ARID4A: variants seen among roughly 807,000 people sequenced by gnomAD.
ARID4A encodes the protein AT-rich interactive domain-containing protein 4A.
A neutral mutation model predicts 148.6 loss-of-function variants in ARID4A; 39 were observed. The ratio of observed to expected loss-of-function variants is 0.26; its 90% CI spans 0.20 to 0.34. ARID4A has a LOEUF of 0.34. ARID4A is among the 10% of genes least tolerant of loss of function. The pLI, the probability that ARID4A is intolerant of heterozygous loss-of-function variation, is 1.00. For missense variants in ARID4A, 1,265 were observed against 1,449.1 expected, an observed-to-expected ratio of 0.87 and a Z score of 2.06; for synonymous variants, 475 against 481.2, an observed-to-expected ratio of 0.99 and a Z score of 0.17.
At chr14:58,299,723 G>A (rs2030964947) in intron 1 of ARID4A, 75 bp from the exon 2 acceptor site, 7 of 1,336,980 alleles carry the variant, frequency 5.2e-6, no homozygotes, top group Non-Finnish European at 6.4e-6. Context: ...GCTGGCGTTT[G>A]TTTACTTTCT....
At chr14:58,313,058 C>CT (rs1386430445) in intron 5 of ARID4A, among the ~76,000 whole-genome samples, 1 of 152,164 alleles carries the variant, frequency 6.6e-6, no homozygotes, top group Admixed American at 6.5e-5. Flanking sequence ...ATTGGCATTA[C>CT]TTTGTCTAAT....
chr14:58,351,270 A>G lies in ARID4A; in HGVS notation c.1602A>G (p.Lys534=). Residue 534 remains lysine (K), a synonymous_variant, in exon 16 of 24, where the codon AAA becomes AAG. Transcript: ENST00000355431. ...TPKQKEKKIK[K]QEDSDKDSDE... ...AGCAAAAAGAGAAGAAAATTAAAAA[A>G]CAGGAGGATTCTGACAAAGACTCAG... The G allele has an allele frequency of 6.2e-7, 1 of 1,610,814 alleles. No individual in the cohort carries two copies. Among genetic ancestry groups the G allele is most frequent in the Non-Finnish European group, 8.5e-7 (1 of 1,179,394 alleles).
chr14:58,301,896 C>T (rs937415075), intron 3 of ARID4A, among the ~76,000 whole-genome samples: 2 of 152,314 alleles, frequency 1.3e-5, no homozygotes, highest in South Asian at 2.1e-4. Context: ...ATACCATGCT[C>T]ATGATATTTC....
intron 3 of ARID4A, among the ~76,000 whole-genome samples, chr14:58,302,124 G>T (rs552118631): frequency 6.6e-6 from 1 of 152,118 alleles, no homozygotes; most frequent in African/African-American, 2.4e-5. Flanking sequence ...TTGGGAGGCC[G>T]AAGTGGGCAG....
In ARID4A at chr14:58,332,010, A is replaced by G. The variant is rs1362266833; in HGVS notation, c.906+1841A>G. Among the ~76,000 whole-genome samples, 89 of 73,688 alleles carry G rather than the reference A, an allele frequency of 1.2e-3. No individual in the cohort carries two copies. The South Asian group carries it at 0.022, about 18-fold the overall frequency. 48.3% of individuals were successfully genotyped at this position (73,688 alleles called of 152,430 possible). ...CATTTTCCCTACCCCCCCCCCCCCAAAAAACCCTGAAATTTTAAACAAAGA... is the reference window on the plus strand; with the variant it reads ...CATTTTCCCTACCCCCCCCCCCCCAGAAAACCCTGAAATTTTAAACAAAGA... On this transcript the variant is annotated intron_variant, in intron 11 of 23. Transcript: ENST00000355431.
At chr14:58,368,373 C>G (rs978173449) in intron 23 of ARID4A, among the ~76,000 whole-genome samples, 1 of 152,074 alleles carries the variant, frequency 6.6e-6, no homozygotes, top group Non-Finnish European at 1.5e-5. Context: ...GTTCCTGAAA[C>G]AAAAATCAAG....
At chr14:58,343,867 A>G (rs547748095) in intron 11 of ARID4A, among the ~76,000 whole-genome samples, 9 of 151,982 alleles carry the variant, frequency 5.9e-5, no homozygotes, top group African/African-American at 1.7e-4. Flanking sequence ...CTCTTCTTTT[A>G]GAACAGAGGA....
chr14:58,357,745 CTGT>C (rs2034950681), intron 17 of ARID4A, among the ~76,000 whole-genome samples: 1 of 151,924 alleles, frequency 6.6e-6, no homozygotes, highest in Non-Finnish European at 1.5e-5. Flanking sequence ...CAAGGACTGC[CTGT>C]TGTTTCTTTA....
intron 2 of ARID4A, among the ~76,000 whole-genome samples, chr14:58,300,367 A>ATATGCT (rs1555356035): frequency 2.6e-5 from 4 of 151,284 alleles, no homozygotes; most frequent in Non-Finnish European, 5.9e-5. Flanking sequence ...ATTTTAAAAC[A>ATATGCT]TATACTAAAA....
At chr14:58,341,790 C>T (rs1173256476) in intron 11 of ARID4A, among the ~76,000 whole-genome samples, 1 of 152,134 alleles carries the variant, frequency 6.6e-6, no homozygotes, top group African/African-American at 2.4e-5. Context: ...TTGGAAATTT[C>T]TTGAAATTAT....
At position 58,363,560 on chromosome 14, in the gene ARID4A, G is replaced by A. The variant is rs533615391; in HGVS notation, c.2081-610G>A. Among the ~76,000 whole-genome samples, 12 of 152,184 alleles carry A rather than the reference G, an allele frequency of 7.9e-5. No individual in the cohort carries two copies. The East Asian group carries it at 1.7e-3, about 22-fold the overall frequency. On this transcript the variant is annotated intron_variant, in intron 19 of 23. Coordinates refer to ENST00000355431, the MANE Select transcript of ARID4A (RefSeq NM_002892.4). ...ACTAAAATACAAAAATTAGCCGGGC[G>A]TGGTGGCCTGCGCCTATCCCAGCTC...
chr14:58,299,935 C>T (rs2030995321), intron 2 of ARID4A, 75 bp downstream of exon 2: 4 of 1,598,066 alleles, frequency 2.5e-6, no homozygotes, highest in Admixed American at 3.3e-5. Context: ...CGTGGAATGT[C>T]ATTTGTTTTG....
At chr14:58,317,330 G>T (rs1179357563) in intron 5 of ARID4A, among the ~76,000 whole-genome samples, 1 of 146,090 alleles carries the variant, frequency 6.8e-6, no homozygotes, top group African/African-American at 2.5e-5. Flanking sequence ...TGTCGTAGAG[G>T]CTGGAGTGCA....
At chr14:58,370,257 G>A (rs1048741048) in intron 23 of ARID4A, among the ~76,000 whole-genome samples, 1 of 152,212 alleles carries the variant, frequency 6.6e-6, no homozygotes, top group South Asian at 2.1e-4. Flanking sequence ...TTGCTCTGGG[G>A]TCAGTTTCCT....
In ARID4A at chr14:58,365,457, T is replaced by C. The variant is rs2035316042; in HGVS notation, c.3212-61T>C. ...AATGTCAGTGTAGTCTGTTGAATAATATACTTGCTCTTTTTTTTTTTTTTT... is the reference window on the plus strand; with the variant it reads ...AATGTCAGTGTAGTCTGTTGAATAACATACTTGCTCTTTTTTTTTTTTTTT... On this transcript the variant is annotated intron_variant, in intron 20 of 23. Transcript: ENST00000355431. 8.2e-6 allele frequency: 11 copies of C among 1,344,330 alleles called. No individual in the cohort carries two copies. In the East Asian group the frequency reaches 2.2e-4, roughly 27 times the overall value. The allele number at this position is 1,344,330 out of a possible 1,614,324, so 83.3% of individuals were successfully genotyped here.
At chr14:58,342,371 T>G (rs2034155576) in intron 11 of ARID4A, among the ~76,000 whole-genome samples, 1 of 152,204 alleles carries the variant, frequency 6.6e-6, no homozygotes, top group South Asian at 2.1e-4. Flanking sequence ...TAGTTTCTCG[T>G]GAAACCTAAA....
At chr14:58,346,315 A>G (rs1053516774) in intron 12 of ARID4A, 96 bp from the exon 13 acceptor site, 10 of 774,478 alleles carry the variant, frequency 1.3e-5, no homozygotes, top group African/African-American at 1.8e-5. Context: ...CCTCTAATTA[A>G]TGAAATTGGG....
chr14:58,358,400 G>C (rs1384831493), intron 17 of ARID4A, among the ~76,000 whole-genome samples: 2 of 152,324 alleles, frequency 1.3e-5, no homozygotes, highest in East Asian at 3.9e-4. Flanking sequence ...CCAGGAGGCA[G>C]AGGTTCCATT....
At chr14:58,361,705 T>A (rs1197503023) in intron 19 of ARID4A, among the ~76,000 whole-genome samples, 5 of 152,168 alleles carry the variant, frequency 3.3e-5, no homozygotes. Context: ...TGTGTTTTCA[T>A]TAAAAGGTTA....
Sources: allele counts gnomAD v4.1 joint callset (sites outside exome capture counted in the v4.1 genomes callset), GRCh38; gene constraint gnomAD v4.1.1; transcripts MANE v1.5; gene names NCBI Gene and HGNC (gene_info 2026-07-23, HGNC 2026-07-21).